CLPTM1: variants seen among roughly 807,000 people sequenced by gnomAD.
CLPTM1 encodes CLPTM1 regulator of GABA type A receptor forward trafficking, also known as putative lipid scramblase CLPTM1.
CLPTM1 carries 21 observed loss-of-function variants against 77.3 expected under a neutral mutation model. The ratio of observed to expected loss-of-function variants is 0.27; its 90% confidence interval spans 0.19 to 0.39. CLPTM1 has a LOEUF of 0.39. Among genes scored for constraint, CLPTM1 ranks in the 10% least tolerant of loss-of-function variants. CLPTM1 has a pLI of 1.00. For synonymous variants in CLPTM1, 373 were observed against 381.0 expected, an observed-to-expected ratio of 0.98 and a Z score of 0.24; for missense variants, 642 against 921.2, an observed-to-expected ratio of 0.70 and a Z score of 3.92.
At chr19:44,971,031 A>G (rs1050113654) in intron 2 of CLPTM1, among the ~76,000 whole-genome samples, 14 of 148,952 alleles carry the variant, frequency 9.4e-5, no homozygotes, top group African/African-American at 3.5e-4. Flanking sequence ...GGGTTTCACC[A>G]TGTTGGCCAG....
chr19:44,961,808 A>G (rs1372346084), intron 1 of CLPTM1, among the ~76,000 whole-genome samples, 155 bp from the exon 2 acceptor site: 1 of 152,156 alleles, frequency 6.6e-6, no homozygotes, highest in Non-Finnish European at 1.5e-5. Flanking sequence ...AAAGAAGAGG[A>G]CCGCACCTTC....
intron 5 of CLPTM1, 129 bp from the exon 6 acceptor site, chr19:44,985,089 C>A: frequency 1.6e-6 from 1 of 621,866 alleles, no homozygotes; most frequent in Non-Finnish European, 2.9e-6. Flanking sequence ...TCACATTGAT[C>A]TCAGCAGGTG....
Position 44,990,319 on chromosome 19 carries a change from AG to A in CLPTM1, c.1133-71del. ...CCCCAGGGTGTGAGGATGCAGGCCA[AG>A]GGGGCCTGAGGGAGCTGCAGTAGGG... On this transcript the variant is annotated intron_variant, in intron 9 of 13. Coordinates refer to ENST00000337392, the MANE Select transcript of CLPTM1 (RefSeq NM_001294.4). The surrounding 1 kb of genome is among the most constrained non-coding windows in gnomAD (Gnocchi z 4.8). 1.3e-6 allele frequency: 2 copies of A among 1,490,550 alleles called. No homozygotes were observed. Among genetic ancestry groups the A allele is most frequent in the Non-Finnish European group, 9.2e-7 (1 of 1,086,226 alleles). The allele number at this position is 1,490,550 out of a possible 1,614,324, so 92.3% of individuals were successfully genotyped here.
At chr19:44,983,553 G>C (rs1600039422) in intron 5 of CLPTM1, among the ~76,000 whole-genome samples, 1 of 134,328 alleles carries the variant, frequency 7.4e-6, no homozygotes, top group Middle Eastern at 5.7e-3. Context: ...GGGAGTCGGA[G>C]GTTGCAGTGA....
chr19:44,983,314 ATAGCATAAGGAAGAG>A (rs1970926362), intron 5 of CLPTM1, among the ~76,000 whole-genome samples: 6 of 152,026 alleles, frequency 3.9e-5, no homozygotes, highest in African/African-American at 1.4e-4. Context: ...GTTTTCCTTC[ATAGCATAAGGAAGAG>A]CTGAAAAGTC....
chr19:44,990,483 C>T lies in CLPTM1; in HGVS notation c.1221C>T (p.Leu407=), dbSNP rs751770401. 1.9e-6 allele frequency: 3 copies of T among 1,614,032 alleles called. No homozygotes were observed. The South Asian group carries it at 3.3e-5, about 18-fold the overall frequency. ...GCGTTTTCCAGTCATTCGTGGTCCTCCTCTACATCCTGGACAACGAGACCA... is the reference window on the plus strand; with the variant it reads ...GCGTTTTCCAGTCATTCGTGGTCCTTCTCTACATCCTGGACAACGAGACCA... The part of the protein sequence containing the change: ...FFGVFQSFVV[L]LYILDNETNF... The change falls in exon 10 of 14, where the codon CTC becomes CTT. Residue 407 remains leucine (L), a synonymous_variant. Coordinates refer to ENST00000337392, the MANE Select transcript of CLPTM1 (RefSeq NM_001294.4). This position sits in a 1 kb window ranked among gnomAD's most constrained non-coding sequence, Gnocchi z 4.8.
intron 2 of CLPTM1, among the ~76,000 whole-genome samples, chr19:44,970,399 CAT>C (rs1568383759): frequency 1.2e-5 from 1 of 85,132 alleles, no homozygotes. Flanking sequence ...CCTGGGCTAG[CAT>C]TTTTTTTTTT....
intron 2 of CLPTM1, among the ~76,000 whole-genome samples, chr19:44,965,644 T>C (rs939088795): frequency 1.1e-4 from 16 of 151,862 alleles, no homozygotes; most frequent in African/African-American, 3.9e-4. Flanking sequence ...AAACGCCGTC[T>C]CTACTGAAAA....
chr19:44,964,786 T>C (rs1970601666), intron 2 of CLPTM1, among the ~76,000 whole-genome samples: 1 of 152,196 alleles, frequency 6.6e-6, no homozygotes, highest in East Asian at 1.9e-4. Context: ...CACTTTTCTA[T>C]TTCCTGTCTC....
At chr19:44,987,670 C>G (rs1282951894) in intron 8 of CLPTM1, 2 of 573,960 alleles carry the variant, frequency 3.5e-6, no homozygotes, top group Non-Finnish European at 3.1e-6. Flanking sequence ...CTGTCCCTTC[C>G]TCCTTCTGTC....
chr19:44,957,884 G>T (rs1053060368), intron 1 of CLPTM1, among the ~76,000 whole-genome samples: 6 of 152,198 alleles, frequency 3.9e-5, no homozygotes, highest in Admixed American at 3.3e-4. Context: ...TGGAGATACA[G>T]CTGTGAATAA....
chr19:44,972,231 C>T (rs2122275139), intron 2 of CLPTM1, among the ~76,000 whole-genome samples: 1 of 151,536 alleles, frequency 6.6e-6, no homozygotes, highest in East Asian at 1.9e-4. Flanking sequence ...TGTTTTGCTA[C>T]CAAATACTAG....
chr19:44,977,600 G>T lies in CLPTM1; in HGVS notation c.586+140G>T, dbSNP rs1970825848. ...GCTCAAAGAGGGTGGGATTGGCAGG[G>T]CAGGCTCAAGCCCCACCCAGCCTGA... On this transcript the variant is annotated intron_variant, in intron 5 of 13. Transcript: ENST00000337392. 5.4e-5 allele frequency: 38 copies of T among 701,022 alleles called. 1 individual carries two copies. In the South Asian group the frequency reaches 6.2e-4, roughly 11 times the overall value. The allele number at this position is 701,022 out of a possible 1,614,324, so 43.4% of individuals were successfully genotyped here.
intron 5 of CLPTM1, among the ~76,000 whole-genome samples, chr19:44,982,924 G>T (rs139659269): frequency 3.2e-4 from 49 of 152,248 alleles, no homozygotes; most frequent in African/African-American, 1.2e-3. Context: ...TGCTGGTCAT[G>T]GTGGTGGATG....
chr19:44,963,074 GGC>G lies in CLPTM1; in HGVS notation c.185+1000_185+1001del, dbSNP rs1970569706. 2.0e-5 allele frequency among the ~76,000 whole-genome samples: 3 copies of G among 150,738 alleles called. No homozygotes were observed. In the South Asian group the frequency reaches 6.4e-4, roughly 32 times the overall value. Reference sequence around the variant, plus strand: ...AATACAAAAATTAGCTGGGTGTGGTGGCACGTGCCTGTAGTCCCAGCTACTCA... The same window carrying G: ...AATACAAAAATTAGCTGGGTGTGGTGACGTGCCTGTAGTCCCAGCTACTCA... On this transcript the variant is annotated intron_variant, in intron 2 of 13. Transcript: ENST00000337392.
intron 2 of CLPTM1, among the ~76,000 whole-genome samples, chr19:44,964,446 G>A (rs1170913963): frequency 6.6e-6 from 1 of 151,346 alleles, no homozygotes; most frequent in Non-Finnish European, 1.5e-5. Flanking sequence ...GAGTAGCTGG[G>A]ACTACAGGCA....
chr19:44,964,829 G>A (rs1479244245), intron 2 of CLPTM1, among the ~76,000 whole-genome samples: 1 of 152,110 alleles, frequency 6.6e-6, no homozygotes, highest in African/African-American at 2.4e-5. Flanking sequence ...CCTGTATGTG[G>A]AATCAGACAG....
At chr19:44,975,957 G>C (rs998769681) in intron 4 of CLPTM1, among the ~76,000 whole-genome samples, 2 of 151,994 alleles carry the variant, frequency 1.3e-5, no homozygotes, top group African/African-American at 4.8e-5. Context: ...CAACCTCCTG[G>C]GCTCAAGCAA....
intron 5 of CLPTM1, among the ~76,000 whole-genome samples, chr19:44,977,764 G>A (rs977543960): frequency 6.6e-6 from 1 of 152,186 alleles, no homozygotes; most frequent in Non-Finnish European, 1.5e-5. Context: ...CTTCACCAAG[G>A]GGGAAGGGCC....
Sources: gnomAD v4.1 joint callset for allele counts (sites outside exome capture counted in the v4.1 genomes callset) on GRCh38, gnomAD v4.1.1 for gene constraint, Gnocchi (gnomAD v3.1) non-coding constraint, MANE v1.5 for transcripts, NCBI Gene and HGNC (gene_info 2026-07-23, HGNC 2026-07-21) for gene names.